The following RNF10 variants were observed in gnomAD, a reference collection of about 807,000 sequenced individuals.
The protein encoded by RNF10 is ring finger protein 10.
A neutral mutation model predicts 91.4 loss-of-function variants in RNF10; 38 were observed. The observed-to-expected ratio is 0.42, with a 90% confidence interval of 0.32 to 0.54. The LOEUF (loss-of-function observed/expected upper bound fraction) is 0.54. Ranked by LOEUF, RNF10 falls within the 20% of genes least tolerant of loss-of-function variation. The pLI is 0.16. For missense variants in RNF10, 945 were observed against 1,012.0 expected (o/e 0.93, Z 0.90); for synonymous variants, 364 against 366.3 (o/e 0.99, Z 0.07).
At chr12:120,568,906 G>C (rs958625753) in intron 13 of RNF10, among the ~76,000 whole-genome samples, 10 of 152,118 alleles carry the variant, frequency 6.6e-5, no homozygotes, top group Non-Finnish European at 1.2e-4. Flanking sequence ...CCAGGTGTGA[G>C]CCACTGTACC....
At chr12:120,556,098 C>A (rs1269313424) in intron 4 of RNF10, among the ~76,000 whole-genome samples, 1 of 152,038 alleles carries the variant, frequency 6.6e-6, no homozygotes, top group Non-Finnish European at 1.5e-5. Context: ...TTCAGTTGCA[C>A]TTTCAAAGCC....
intron 10 of RNF10, 139 bp downstream of exon 10, chr12:120,564,082 C>A: frequency 1.1e-6 from 1 of 916,336 alleles, no homozygotes; most frequent in Non-Finnish European, 1.6e-6. Context: ...AGTGATGGTG[C>A]TGTGAATTCT....
chr12:120,557,239 C>T (rs1184959049), intron 4 of RNF10, 43 bp from the exon 5 acceptor site: 1 of 1,594,656 alleles, frequency 6.3e-7, no homozygotes, highest in Non-Finnish European at 8.6e-7. Context: ...AGTCCCTAAT[C>T]AGTTCTTCAA....
At chr12:120,552,850 C>T (rs1291727015) in intron 3 of RNF10, 152 bp downstream of exon 3, 5 of 676,730 alleles carry the variant, frequency 7.4e-6, no homozygotes, top group African/African-American at 1.8e-5. Flanking sequence ...CCCCGCCCTT[C>T]CTTTCTTTTA....
intron 6 of RNF10, among the ~76,000 whole-genome samples, chr12:120,559,103 A>G (rs896319954): frequency 1.3e-5 from 2 of 150,256 alleles, no homozygotes; most frequent in African/African-American, 4.9e-5. Flanking sequence ...GCATGCAGGT[A>G]TAGTTAATTT....
intron 3 of RNF10, among the ~76,000 whole-genome samples, chr12:120,553,617 A>G (rs924940083): frequency 2.1e-5 from 3 of 141,252 alleles, no homozygotes; most frequent in African/African-American, 8.0e-5. Flanking sequence ...ATTAGCCAGG[A>G]TGGTCTTGAT....
intron 5 of RNF10, 28 bp from the exon 6 acceptor site, chr12:120,557,518 C>G: frequency 6.2e-7 from 1 of 1,613,996 alleles, no homozygotes; most frequent in Non-Finnish European, 8.5e-7. Flanking sequence ...ACTCCTTGCC[C>G]TGCTACATAT....
At chr12:120,554,661 G>A in intron 3 of RNF10, 57 bp from the exon 4 acceptor site, 1 of 1,335,690 alleles carries the variant, frequency 7.5e-7, no homozygotes, top group Non-Finnish European at 1.1e-6. Flanking sequence ...AATTTCTGCT[G>A]AGGGTTTATT....
rs773560714 is a variant in RNF10, at chr12:120,534,947, G to T, written c.136G>T (p.Gly46Cys). 1.2e-5 allele frequency: 20 copies of T among 1,601,194 alleles called. 1 individual carries two copies. In the South Asian group the frequency reaches 2.0e-4, roughly 16 times the overall value. ...CCGCTCCGCCTCGGCGGGGCCAGCC[G>T]GCGAGTCTAAACCCAAGAGCGGTAA... ...PPRSASAGPA[G>C]ESKPKSDGKN... Residue 46 changes from glycine (G) to cysteine (C), a missense_variant, in exon 1 of 17, where the codon GGC (glycine) becomes TGC (cysteine). By Grantham distance (159) the Gly-to-Cys change is radical. Coordinates refer to ENST00000325954, the MANE Select transcript of RNF10 (RefSeq NM_014868.5).
chr12:120,553,080 T>G (rs1873393662), intron 3 of RNF10, among the ~76,000 whole-genome samples: 3 of 26,306 alleles, frequency 1.1e-4, no homozygotes, highest in African/African-American at 4.3e-4. Flanking sequence ...TTTTTTTTTT[T>G]TTTTTTTTTT....
Position 120,563,443 on chromosome 12 carries a change from G to A in RNF10, c.1351G>A (p.Glu451Lys). 2.5e-6 allele frequency: 4 copies of A among 1,614,192 alleles called. No homozygotes were observed. The highest frequency in any genetic ancestry group is 3.4e-6 in the Non-Finnish European group (4 of 1,180,032). The change falls in exon 9 of 17, where the codon GAG (glutamate) becomes AAG (lysine). Residue 451 changes from glutamate (E) to lysine (K), a missense_variant. Glu to Lys is a moderately conservative substitution (Grantham distance 56, BLOSUM62 1). Transcript: ENST00000325954. ...ACCTCTTGCTCTCCCTCTGGTAGAA[G>A]AGGAGGAAGCAGTGTCTGAACCAGA... ...SRPLALPLVE[E>K]EEAVSEPEPE...
chr12:120,548,720 C>T (rs979908991), intron 2 of RNF10, among the ~76,000 whole-genome samples: 1 of 145,212 alleles, frequency 6.9e-6, no homozygotes, highest in African/African-American at 2.5e-5. Flanking sequence ...AGAGCAGTGG[C>T]GCAATCTCGG....
intron 3 of RNF10, among the ~76,000 whole-genome samples, chr12:120,553,608 T>G (rs979680645): frequency 6.6e-6 from 1 of 151,552 alleles, no homozygotes; most frequent in Non-Finnish European, 1.5e-5. Flanking sequence ...TTGCACCGTA[T>G]TAGCCAGGAT....
intron 1 of RNF10, chr12:120,539,408 T>A: frequency 1.6e-6 from 2 of 1,289,054 alleles, no homozygotes; most frequent in Non-Finnish European, 2.0e-6. Flanking sequence ...TGTCAGTTGA[T>A]TCTGTAGTAA....
At chr12:120,574,613 T>C in intron 14 of RNF10, 1 of 448,934 alleles carries the variant, frequency 2.2e-6, no homozygotes, top group East Asian at 7.0e-5. Context: ...TGAAGTTTAG[T>C]AGCCATGTGG....
At chr12:120,575,459 C>T (rs1877260551) in intron 14 of RNF10, 172 bp from the exon 15 acceptor site, 2 of 682,086 alleles carry the variant, frequency 2.9e-6, no homozygotes, top group African/African-American at 1.8e-5. Context: ...TTTCCATTAG[C>T]CAGGATATAG....
intron 1 of RNF10, among the ~76,000 whole-genome samples, chr12:120,542,920 A>T (rs970341322): frequency 2.0e-5 from 3 of 152,198 alleles, no homozygotes; most frequent in Non-Finnish European, 4.4e-5. Flanking sequence ...GAGTGAACCT[A>T]GCCTGTTTCT....
intron 14 of RNF10, among the ~76,000 whole-genome samples, chr12:120,573,972 C>T (rs149593517): frequency 2.6e-5 from 4 of 152,132 alleles, no homozygotes; most frequent in South Asian, 2.1e-4. Flanking sequence ...GGAATGAATG[C>T]GAGAATAGGT....
In RNF10 at chr12:120,564,944, T is replaced by C. The variant is rs977005560; in HGVS notation, c.1666-128T>C. ...TTTGGCTTTTCAAAATGAGGATAAT[T>C]GAGCACTACTGTTTCCAGCCCCAGT... is the stretch of plus-strand genomic sequence containing the variant. On this transcript the variant is annotated intron_variant, in intron 10 of 16. Transcript: ENST00000325954. 4.1e-5 allele frequency: 28 copies of C among 684,042 alleles called. No individual in the cohort carries two copies. In the Admixed American group the frequency reaches 5.3e-4, roughly 13 times the overall value. 42.4% of individuals were successfully genotyped at this position (684,042 alleles called of 1,614,324 possible).
Sources: allele counts gnomAD v4.1 joint callset (sites outside exome capture counted in the v4.1 genomes callset), GRCh38; gene constraint gnomAD v4.1.1; transcripts MANE v1.5; gene names NCBI Gene and HGNC (gene_info 2026-07-23, HGNC 2026-07-21).